The following SLC15A1 variants were observed in gnomAD, a reference collection of about 807,000 sequenced individuals.
SLC15A1 encodes Caco-2 oligopeptide transporter.
A neutral mutation model predicts 92.9 loss-of-function variants in SLC15A1; 83 were observed. The observed-to-expected ratio is 0.89, with a 90% CI of 0.75 to 1.07. The LOEUF (loss-of-function observed/expected upper bound fraction) is 1.07, where lower values mean the gene tolerates loss of function less well. Among genes scored for constraint, SLC15A1 ranks in the 50% least tolerant of loss-of-function variants. The probability of loss-of-function intolerance (pLI) is 0.00; values close to 1 mark genes in which losing one functional copy is unlikely to be tolerated. For missense variants in SLC15A1, 857 were observed against 880.1 expected, an observed-to-expected ratio of 0.97 and a Z score of 0.33; for synonymous variants, 322 against 318.2, an observed-to-expected ratio of 1.01 and a Z score of -0.13.
intron 18 of SLC15A1, 91 bp from the exon 19 acceptor site, chr13:98,688,668 C>A: frequency 2.3e-6 from 2 of 867,854 alleles, no homozygotes; most frequent in East Asian, 2.5e-5. Flanking sequence ...GCAATACTCC[C>A]TATTTTGAAG....
chr13:98,728,385 G>T (rs907823289), intron 1 of SLC15A1, among the ~76,000 whole-genome samples: 7 of 152,112 alleles, frequency 4.6e-5, no homozygotes, highest in African/African-American at 1.7e-4. Flanking sequence ...TATGAAAGTT[G>T]TCGTTGGATC....
chr13:98,690,770 G>A (rs769102394), intron 18 of SLC15A1, among the ~76,000 whole-genome samples: 4 of 152,122 alleles, frequency 2.6e-5, no homozygotes, highest in Admixed American at 6.6e-5. Flanking sequence ...CTTTGGCTCC[G>A]AGGCTACAAA....
intron 5 of SLC15A1, among the ~76,000 whole-genome samples, chr13:98,723,614 C>T (rs1038764474): frequency 6.6e-6 from 1 of 152,180 alleles, no homozygotes; most frequent in African/African-American, 2.4e-5. Context: ...GACTTTATAT[C>T]CCTCCAGGGT....
At chr13:98,702,599 T>A in intron 17 of SLC15A1, 70 bp from the exon 18 acceptor site, 1 of 1,281,906 alleles carries the variant, frequency 7.8e-7, no homozygotes, top group Non-Finnish European at 1.1e-6. Context: ...CAGATGAATA[T>A]TTCAGTCTTT....
rs558832574 is a variant in SLC15A1 at position 98,691,864 on chromosome 13, G to A, written c.1467-3287C>T. Among the ~76,000 whole-genome samples, 6 of 152,074 alleles carry A rather than the reference G, an allele frequency of 3.9e-5. No individual in the cohort carries two copies. In the East Asian group the frequency reaches 5.8e-4, roughly 15 times the overall value. On this transcript the variant is annotated intron_variant, in intron 18 of 22. Coordinates refer to ENST00000376503, the MANE Select transcript of SLC15A1 (RefSeq NM_005073.4). ...CGAGGTGGGCAGATCATCTGAGGTC[G>A]GAAGTTTGAGACCAGCCTGACCAAC... is the stretch of plus-strand genomic sequence containing the variant.
At position 98,726,113 on chromosome 13, in the gene SLC15A1, A is replaced by G; in HGVS notation, c.245+10T>C. 6.2e-7 allele frequency: 1 copy of G among 1,611,976 alleles called. No individual in the cohort carries two copies. The highest frequency in any genetic ancestry group is 8.5e-7 in the Non-Finnish European group (1 of 1,179,050). ...GCTTGTTTGTGAACAAGAAATTTCCAGCCACTCACTTGAACTTTCCCAGCC... is the reference window on the plus strand; with the variant it reads ...GCTTGTTTGTGAACAAGAAATTTCCGGCCACTCACTTGAACTTTCCCAGCC... On this transcript the variant is annotated intron_variant, in intron 4 of 22. Coordinates refer to ENST00000376503, the MANE Select transcript of SLC15A1 (RefSeq NM_005073.4).
At chr13:98,726,058 C>G in intron 4 of SLC15A1, 65 bp downstream of exon 4, 1 of 1,578,788 alleles carries the variant, frequency 6.3e-7, no homozygotes, top group Non-Finnish European at 8.6e-7. Context: ...TTCCACCATT[C>G]CCAACTACAA....
chr13:98,699,881 A>T (rs2088053754), intron 18 of SLC15A1, among the ~76,000 whole-genome samples: 1 of 152,162 alleles, frequency 6.6e-6, no homozygotes, highest in Non-Finnish European at 1.5e-5. Context: ...GCTATTGTTC[A>T]TGTGCTTATT....
chr13:98,718,986 A>G (rs2088233027), intron 8 of SLC15A1, among the ~76,000 whole-genome samples: 1 of 152,116 alleles, frequency 6.6e-6, no homozygotes, highest in Non-Finnish European at 1.5e-5. Context: ...CCTAAATAGT[A>G]TTACACCTTT....
intron 1 of SLC15A1, among the ~76,000 whole-genome samples, chr13:98,738,012 C>G (rs1409444639): frequency 6.6e-6 from 1 of 152,176 alleles, no homozygotes; most frequent in Non-Finnish European, 1.5e-5. Context: ...TAGCAAAGAA[C>G]TTGGCTGCAT....
At chr13:98,725,431 C>T (rs1020922127) in intron 4 of SLC15A1, among the ~76,000 whole-genome samples, 1 of 152,094 alleles carries the variant, frequency 6.6e-6, no homozygotes, top group Non-Finnish European at 1.5e-5. Flanking sequence ...CTTTAGTGAC[C>T]TCACACCATG....
At chr13:98,722,732 T>C (rs368440971) in intron 5 of SLC15A1, among the ~76,000 whole-genome samples, 3 of 152,232 alleles carry the variant, frequency 2.0e-5, no homozygotes, top group East Asian at 1.9e-4. Context: ...ATCACCCCTT[T>C]AATCTTGTCT....
intron 20 of SLC15A1, 59 bp from the exon 21 acceptor site, chr13:98,687,783 C>A: frequency 6.3e-7 from 1 of 1,588,908 alleles, no homozygotes; most frequent in Non-Finnish European, 8.6e-7. Context: ...AAAAACTGTT[C>A]GAACAGGTAA....
intron 18 of SLC15A1, among the ~76,000 whole-genome samples, chr13:98,692,788 C>CA (rs2087990587): frequency 6.6e-6 from 1 of 152,182 alleles, no homozygotes; most frequent in African/African-American, 2.4e-5. Flanking sequence ...CTTTGTCACC[C>CA]AGGCTGCAGT....
At chr13:98,747,656 G>A (rs1168112068) in intron 1 of SLC15A1, among the ~76,000 whole-genome samples, 7 of 152,164 alleles carry the variant, frequency 4.6e-5, no homozygotes, top group East Asian at 1.9e-4. Flanking sequence ...CAAGGCAGGC[G>A]GGTCACCTGA....
At chr13:98,716,873 T>C (rs1295118222) in intron 8 of SLC15A1, among the ~76,000 whole-genome samples, 3 of 152,080 alleles carry the variant, frequency 2.0e-5, no homozygotes, top group African/African-American at 7.2e-5. Context: ...AGTCATATTG[T>C]GAAAATAACT....
In SLC15A1 at chr13:98,708,676, G is replaced by A. The variant is rs2088135173; in HGVS notation, c.1149+10C>T. 1 of 1,611,036 alleles carries A rather than the reference G, an allele frequency of 6.2e-7. No homozygotes were observed. Among genetic ancestry groups the A allele is most frequent in the African/African-American group, 1.3e-5 (1 of 74,908 alleles). ...AGGAAAGGACATGGGAGAACCAGGG[G>A]ACAACTCACATCGATTTCCACCTGC... On this transcript the variant is annotated intron_variant, in intron 15 of 22. Transcript: ENST00000376503.
chr13:98,710,435 A>AG (rs1214623172), intron 11 of SLC15A1, among the ~76,000 whole-genome samples: 1 of 152,228 alleles, frequency 6.6e-6, no homozygotes, highest in African/African-American at 2.4e-5. Flanking sequence ...AGGACTGTAC[A>AG]GGTAAATATG....
chr13:98,688,696 A>G (rs2087951980), intron 18 of SLC15A1, 119 bp from the exon 19 acceptor site: 2 of 728,140 alleles, frequency 2.7e-6, no homozygotes, highest in Non-Finnish European at 4.6e-6. Context: ...AGATGTTTTC[A>G]GAATATTTCT....
Sources: gnomAD v4.1 joint callset for allele counts (sites outside exome capture counted in the v4.1 genomes callset) on GRCh38, gnomAD v4.1.1 for gene constraint, MANE v1.5 for transcripts, NCBI Gene and HGNC (gene_info 2026-07-23, HGNC 2026-07-21) for gene names.